Variants in OPRD1 observed in about 807,000 individuals in gnomAD.
OPRD1 encodes the protein delta-type opioid receptor.
A neutral mutation model predicts 17.5 loss-of-function variants in OPRD1; 19 were observed. The observed-to-expected ratio is 1.09, with a 90% CI of 0.76 to 1.60. The LOEUF (loss-of-function observed/expected upper bound fraction) is 1.60. OPRD1 is among the 40% of genes most tolerant of loss of function. The probability of loss-of-function intolerance (pLI) is 0.00; values close to 1 mark genes in which losing one functional copy is unlikely to be tolerated. For missense variants in OPRD1, 483 were observed against 547.2 expected, an observed-to-expected ratio of 0.88 and a Z score of 1.17; for synonymous variants, 256 against 240.9, an observed-to-expected ratio of 1.06 and a Z score of -0.58.
Position 28,866,478 on chromosome 1 carries a change from G to A in OPRD1, c.*3195G>A, listed in dbSNP as rs1051642184. 1 of 152,244 alleles carries A rather than the reference G, an allele frequency of 6.6e-6. No homozygotes were observed. Among genetic ancestry groups the A allele is most frequent in the Admixed American group, 6.5e-5 (1 of 15,274 alleles). The allele number at this position is 152,244 out of a possible 1,614,324, so 9.4% of individuals were successfully genotyped here. ...TGCCAGGCTCTCTGCCAGGTGTCTTGTGTGCATCAGCCCACCTGATCCTCA... is the reference window on the plus strand; with the variant it reads ...TGCCAGGCTCTCTGCCAGGTGTCTTATGTGCATCAGCCCACCTGATCCTCA... On this transcript the variant is annotated 3_prime_UTR_variant, in exon 3 of 3. Coordinates refer to ENST00000234961, the MANE Select transcript of OPRD1 (RefSeq NM_000911.4).
chr1:28,868,570 A>G lies in OPRD1; in HGVS notation c.*5287A>G, dbSNP rs1235865917. ...GAAATGCTCCTCAAGGGCTGGGTGC[A>G]GTGGCTCACGCCTGTAATCCTAGCA... is the stretch of plus-strand genomic sequence containing the variant. On this transcript the variant is annotated 3_prime_UTR_variant, in exon 3 of 3. Transcript: ENST00000234961. The G allele has an allele frequency of 3.3e-5, 5 of 152,316 alleles. No individual in the cohort carries two copies. The highest frequency in any genetic ancestry group is 7.3e-5 in the Non-Finnish European group (5 of 68,180). 9.4% of individuals were successfully genotyped at this position (152,316 alleles called of 1,614,324 possible).
intron 1 of OPRD1, among the ~76,000 whole-genome samples, chr1:28,817,424 C>T (rs1316782912): frequency 6.6e-6 from 1 of 152,116 alleles, no homozygotes; most frequent in Non-Finnish European, 1.5e-5. Context: ...ATGAAGGGTT[C>T]TGGTTATTTC....
intron 1 of OPRD1, among the ~76,000 whole-genome samples, chr1:28,854,147 A>G (rs933547206): frequency 2.6e-5 from 4 of 152,176 alleles, no homozygotes; most frequent in African/African-American, 9.7e-5. Context: ...GCTACACAGA[A>G]CATGTGAGGA....
intron 1 of OPRD1, among the ~76,000 whole-genome samples, chr1:28,848,049 C>T (rs1268592253): frequency 2.6e-5 from 4 of 151,956 alleles, no homozygotes; most frequent in African/African-American, 4.8e-5. Flanking sequence ...GAGTTCCAGA[C>T]GAATCTGGCC....
chr1:28,829,588 C>T (rs946837771), intron 1 of OPRD1, among the ~76,000 whole-genome samples: 11 of 152,046 alleles, frequency 7.2e-5, no homozygotes, highest in Admixed American at 3.3e-4. Flanking sequence ...AGGCTGGTCT[C>T]GAACTCCTGA....
intron 1 of OPRD1, among the ~76,000 whole-genome samples, chr1:28,843,458 C>A (rs2088910784): frequency 6.6e-6 from 1 of 152,108 alleles, no homozygotes; most frequent in Non-Finnish European, 1.5e-5. Context: ...TTGCCCTAGC[C>A]CCTCGTAACC....
intron 1 of OPRD1, among the ~76,000 whole-genome samples, chr1:28,813,804 G>A (rs936114125): frequency 1.3e-5 from 2 of 152,218 alleles, no homozygotes; most frequent in African/African-American, 4.8e-5. Context: ...TCAGAGGTTA[G>A]AGAGATGAAC....
At chr1:28,821,461 C>T (rs1208929086) in intron 1 of OPRD1, among the ~76,000 whole-genome samples, 1 of 152,018 alleles carries the variant, frequency 6.6e-6, no homozygotes, top group African/African-American at 2.4e-5. Context: ...TGGTCTTGAA[C>T]TCCTGGACTC....
At chr1:28,833,623 C>T (rs187560241) in intron 1 of OPRD1, among the ~76,000 whole-genome samples, 11 of 152,284 alleles carry the variant, frequency 7.2e-5, no homozygotes, top group African/African-American at 2.4e-4. Context: ...TTCACAGCAA[C>T]GCCTCGATTA....
At chr1:28,846,846 T>TTTCTTTCTTTCTTTTC (rs769212543) in intron 1 of OPRD1, among the ~76,000 whole-genome samples, 1,223 of 76,596 alleles carry the variant, frequency 0.016, 8 homozygotes, top group South Asian at 0.05. Context: ...TCTTTCTTTC[T>TTTCTTTCTTTCTTTTC]TTTCTTTCTT....
intron 1 of OPRD1, among the ~76,000 whole-genome samples, chr1:28,832,316 G>A (rs2088813469): frequency 6.6e-6 from 1 of 152,124 alleles, no homozygotes; most frequent in Non-Finnish European, 1.5e-5. Flanking sequence ...GATGGCATAA[G>A]AAGTAAAGGC....
intron 1 of OPRD1, 53 bp downstream of exon 1, chr1:28,812,663 G>T: frequency 7.2e-7 from 1 of 1,397,812 alleles, no homozygotes; most frequent in Non-Finnish European, 9.4e-7. Context: ...GTGAGGGTGG[G>T]GATCACGAAC....
Position 28,859,067 on chromosome 1 carries a change from G to A in OPRD1, c.341G>A (p.Trp114Ter), listed in dbSNP as rs532174275. 2 of 1,614,202 alleles carry A rather than the reference G, an allele frequency of 1.2e-6. No individual in the cohort carries two copies. The highest frequency in any genetic ancestry group is 2.2e-5 in the South Asian group (2 of 91,088). The change falls in exon 2 of 3, where the codon TGG becomes TAG. Residue 114 changes from tryptophan (W) to a stop codon, truncating the protein, a stop_gained. Coordinates refer to ENST00000234961, the MANE Select transcript of OPRD1 (RefSeq NM_000911.4). LOFTEE classifies it high-confidence loss of function. Reference sequence around the variant, plus strand: ...AGTGCCAAGTACCTGATGGAGACGTGGCCCTTCGGCGAGCTGCTCTGCAAG... The same window carrying A: ...AGTGCCAAGTACCTGATGGAGACGTAGCCCTTCGGCGAGCTGCTCTGCAAG... ...FQSAKYLMET[W>*]PFGELLCKAV...
intron 1 of OPRD1, among the ~76,000 whole-genome samples, chr1:28,816,501 C>T (rs796892059): frequency 1.3e-5 from 2 of 152,238 alleles, no homozygotes; most frequent in African/African-American, 4.8e-5. Flanking sequence ...TCCTGCAGGC[C>T]CCACACTCTG....
Position 28,870,967 on chromosome 1 carries a change from T to G in OPRD1, c.*7684T>G, listed in dbSNP as rs1306081865. On this transcript the variant is annotated 3_prime_UTR_variant, in exon 3 of 3. Coordinates refer to ENST00000234961, the MANE Select transcript of OPRD1 (RefSeq NM_000911.4). ...CTCTGCACGATGGAGGGGTAGGAGT[T>G]GATGGTTCTGAAGGCTCTGCCATCC... 1 of 152,138 alleles carries G rather than the reference T, an allele frequency of 6.6e-6. No homozygotes were observed. Among genetic ancestry groups the G allele is most frequent in the Non-Finnish European group, 1.5e-5 (1 of 68,024 alleles). The allele number at this position is 152,138 out of a possible 1,614,324, so 9.4% of individuals were successfully genotyped here. A position where few individuals can be genotyped will look rare whatever the true frequency, so the allele number is the denominator to read the frequency against.
At chr1:28,843,147 A>C (rs868055901) in intron 1 of OPRD1, among the ~76,000 whole-genome samples, 1 of 152,246 alleles carries the variant, frequency 6.6e-6, no homozygotes, top group Middle Eastern at 3.4e-3. Flanking sequence ...TGACTTGCTC[A>C]AGATCACTGA....
At chr1:28,858,207 G>T (rs573807920) in intron 1 of OPRD1, among the ~76,000 whole-genome samples, 107 of 144,410 alleles carry the variant, frequency 7.4e-4, no homozygotes, top group Admixed American at 7.7e-4. Flanking sequence ...TCCGCCTCCC[G>T]GGTTCACGCC....
intron 1 of OPRD1, among the ~76,000 whole-genome samples, chr1:28,822,275 C>A (rs1301300073): frequency 1.3e-5 from 2 of 151,938 alleles, no homozygotes; most frequent in Non-Finnish European, 2.9e-5. Flanking sequence ...AAGGAATTTT[C>A]CCACAGTCAA....
intron 1 of OPRD1, among the ~76,000 whole-genome samples, chr1:28,845,081 A>G (rs944538797): frequency 2.8e-4 from 42 of 151,852 alleles, no homozygotes; most frequent in African/African-American, 9.2e-4. Context: ...ATGGTGGCTC[A>G]TGCCTGTAAT....
Sources: gnomAD v4.1 joint callset for allele counts (sites outside exome capture counted in the v4.1 genomes callset) on GRCh38, gnomAD v4.1.1 for gene constraint, MANE v1.5 for transcripts, NCBI Gene and HGNC (gene_info 2026-07-23, HGNC 2026-07-21) for gene names.